The following TAF1 variants were observed in gnomAD, a reference collection of about 807,000 sequenced individuals.
TAF1 encodes TATA-box binding protein associated factor 1.
TAF1 carries 2 observed loss-of-function variants against 138.5 expected under a neutral mutation model. The ratio of observed to expected loss-of-function variants is 0.01; its 90% confidence interval spans 0.01 to 0.05. TAF1 has a LOEUF of 0.05. Ranked by LOEUF, TAF1 falls within the 10% of genes least tolerant of loss-of-function variation. The probability of loss-of-function intolerance (pLI) is 1.00; values close to 1 mark genes in which losing one functional copy is unlikely to be tolerated. For synonymous variants in TAF1, 437 were observed against 503.2 expected (o/e 0.87, Z 1.76); for missense variants, 709 against 1,478.0 (o/e 0.48, Z 8.53).
intron 12 of TAF1, among the ~76,000 whole-genome samples, 175 bp downstream of exon 12, chrX:71,383,339 T>C (rs983226992): frequency 2.3e-4 from 26 of 112,268 alleles, no homozygotes; most frequent in Non-Finnish European, 2.3e-4. Context: ...TGTGAAAATA[T>C]TTAAAGGTGA....
intron 13 of TAF1, among the ~76,000 whole-genome samples, chrX:71,485,777 T>C (rs963854278): frequency 9.0e-6 from 1 of 110,977 alleles, no homozygotes; most frequent in Non-Finnish European, 1.9e-5. Flanking sequence ...TTTGCAAATA[T>C]TTCTTCAATC....
rs777374951 is a variant in TAF1, at chrX:71,490,539, G to A, written c.1366+29736G>A. ...CCTCCCGGGTTCATGCCATTCTCCC[G>A]CTTCAGCCTCCCAAGGAATTGAATA... is the stretch of plus-strand genomic sequence containing the variant. On this transcript the variant is annotated intron_variant and NMD_transcript_variant, in intron 13 of 14. Transcript: ENST00000373775. Among the ~76,000 whole-genome samples the A allele has an allele frequency of 2.7e-5, 3 of 109,234 alleles. No homozygotes were observed. The South Asian group carries it at 1.2e-3, about 43-fold the overall frequency. The allele number at this position is 109,234 out of a possible 115,157, so 94.9% of individuals were successfully genotyped here. A position where few individuals can be genotyped will look rare whatever the true frequency, so the allele number is the denominator to read the frequency against.
At position 71,454,166 on chromosome X, in the gene TAF1, A is replaced by C; in HGVS notation, c.4754-4A>C. The C allele has an allele frequency of 1.7e-6, 2 of 1,203,972 alleles. No individual in the cohort carries two copies. Among genetic ancestry groups the C allele is most frequent in the Non-Finnish European group, 2.2e-6 (2 of 889,771 alleles). ...ATAATGGCACTTTCTTATTTTATTTATAGGACCTGAGAGTCAGTATACTAA... is the reference window on the plus strand; with the variant it reads ...ATAATGGCACTTTCTTATTTTATTTCTAGGACCTGAGAGTCAGTATACTAA... On this transcript the variant is annotated splice_region_variant and splice_polypyrimidine_tract_variant and intron_variant, in intron 32 of 37. Transcript: ENST00000423759.
In TAF1 at chrX:71,474,610, T is replaced by C. The variant is rs373977086; in HGVS notation, c.1366+13807T>C. 5.3e-5 allele frequency among the ~76,000 whole-genome samples: 6 copies of C among 112,162 alleles called. No homozygotes were observed. The East Asian group carries it at 1.7e-3, about 31-fold the overall frequency. ...GACACTGTTCTAGGCTCTGGCAGTATAGCATGGAAAACATGGATATAAATC... is the reference window on the plus strand; with the variant it reads ...GACACTGTTCTAGGCTCTGGCAGTACAGCATGGAAAACATGGATATAAATC... On this transcript the variant is annotated intron_variant and NMD_transcript_variant, in intron 13 of 14. Coordinates refer to the TAF1 transcript ENST00000373775.
intron 13 of TAF1, among the ~76,000 whole-genome samples, chrX:71,500,749 C>T (rs2039488875): frequency 9.0e-6 from 1 of 110,869 alleles, no homozygotes; most frequent in African/African-American, 3.3e-5. Flanking sequence ...TGGGACCTTA[C>T]CCCTGTCCTA....
chrX:71,400,368 C>T (rs1237520065), intron 24 of TAF1, among the ~76,000 whole-genome samples: 4 of 111,641 alleles, frequency 3.6e-5, no homozygotes, highest in Non-Finnish European at 7.5e-5. Flanking sequence ...TGGGATTACA[C>T]GCATGAGCCA....
At chrX:71,392,462 A>T (rs1229329952) in intron 18 of TAF1, 107 bp from the exon 19 acceptor site, 6 of 993,224 alleles carry the variant, frequency 6.0e-6, no homozygotes, top group Non-Finnish European at 7.9e-6. Context: ...TAAAAATTAG[A>T]AAAAAAGAAC....
chrX:71,438,835 C>T (rs750502083), intron 32 of TAF1, among the ~76,000 whole-genome samples: 28 of 111,582 alleles, frequency 2.5e-4, no homozygotes, highest in African/African-American at 8.8e-4. Context: ...CGTGGTGGCA[C>T]GTGGTATGAG....
At chrX:71,500,461 G>C (rs2039478904) in intron 13 of TAF1, among the ~76,000 whole-genome samples, 1 of 95,374 alleles carries the variant, frequency 1.0e-5, no homozygotes, top group Admixed American at 1.1e-4. Flanking sequence ...GGGTGAGCCT[G>C]TTGATGCCTG....
intron 28 of TAF1, among the ~76,000 whole-genome samples, chrX:71,418,514 A>C (rs2036148704): frequency 8.9e-6 from 1 of 112,902 alleles, no homozygotes; most frequent in African/African-American, 3.2e-5. Context: ...GTGAATGCTG[A>C]ATTAAATAAT....
At chrX:71,422,736 TTTTA>T (rs1199681704) in intron 29 of TAF1, among the ~76,000 whole-genome samples, 1 of 110,920 alleles carries the variant, frequency 9.0e-6, no homozygotes. Flanking sequence ...TTAATTTATT[TTTTA>T]TTTATTTATT....
chrX:71,428,739 C>T (rs974194969), intron 32 of TAF1, among the ~76,000 whole-genome samples: 9 of 111,691 alleles, frequency 8.1e-5, no homozygotes, highest in Non-Finnish European at 1.5e-4. Flanking sequence ...TACAGATTTA[C>T]CTAATAAGCT....
At chrX:71,369,699 A>G (rs1314599455) in intron 3 of TAF1, among the ~76,000 whole-genome samples, 43 of 102,206 alleles carry the variant, frequency 4.2e-4, no homozygotes, top group Non-Finnish European at 7.5e-4. Flanking sequence ...TCTGCCTCCC[A>G]GGTTCATGCC....
At chrX:71,396,964 G>T (rs2034887435) in intron 22 of TAF1, among the ~76,000 whole-genome samples, 1 of 102,634 alleles carries the variant, frequency 9.7e-6, no homozygotes, top group Admixed American at 1.1e-4. Flanking sequence ...GGTGGAGGTT[G>T]CAGTGAGCCG....
At chrX:71,388,683 T>G in intron 16 of TAF1, 55 bp from the exon 17 acceptor site, 1 of 1,203,440 alleles carries the variant, frequency 8.3e-7, no homozygotes, top group Admixed American at 2.2e-5. Flanking sequence ...TCAATAAATA[T>G]CAGGGCCTTT....
chrX:71,428,108 C>T (rs1238001438), intron 32 of TAF1, among the ~76,000 whole-genome samples: 1 of 100,332 alleles, frequency 1.0e-5, no homozygotes, highest in Non-Finnish European at 2.0e-5. Flanking sequence ...CTCCGCCTCC[C>T]GGGTTCAAGC....
At chrX:71,487,205 C>T (rs941974188) in intron 13 of TAF1, among the ~76,000 whole-genome samples, 6 of 107,296 alleles carry the variant, frequency 5.6e-5, no homozygotes, top group African/African-American at 1.7e-4. Context: ...TCTTTCTTTC[C>T]GTCTTTTTTT....
At chrX:71,504,025 T>A (rs2039572131) in intron 13 of TAF1, among the ~76,000 whole-genome samples, 1 of 110,804 alleles carries the variant, frequency 9.0e-6, no homozygotes, top group Admixed American at 9.8e-5. Context: ...TCCTTGATAA[T>A]CTGGGTGAGT....
intron 32 of TAF1, among the ~76,000 whole-genome samples, chrX:71,445,825 G>GATGT (rs2037667777): frequency 9.0e-6 from 1 of 111,102 alleles, no homozygotes; most frequent in Admixed American, 9.7e-5. Context: ...TCTTAGCATG[G>GATGT]ATGTATGTAT....
Sources: gnomAD v4.1 joint callset for allele counts (sites outside exome capture counted in the v4.1 genomes callset) on GRCh38, gnomAD v4.1.1 for gene constraint, MANE v1.5 for transcripts, NCBI Gene and HGNC (gene_info 2026-07-23, HGNC 2026-07-21) for gene names.